The following DLC1 variants were observed in gnomAD, a reference collection of about 807,000 sequenced individuals.
The protein encoded by DLC1 is DLC1 Rho GTPase activating protein.
DLC1 carries 54 observed loss-of-function variants against 140.3 expected under a neutral mutation model. The ratio of observed to expected loss-of-function variants is 0.38; its 90% CI spans 0.31 to 0.48. DLC1 has a LOEUF of 0.48. DLC1 is among the 20% of genes least tolerant of loss of function. The probability of loss-of-function intolerance (pLI) is 0.96; values close to 1 mark genes in which losing one functional copy is unlikely to be tolerated. For missense variants in DLC1, 2,536 were observed against 1,907.0 expected (o/e 1.33, Z -6.14); for synonymous variants, 986 against 728.1 (o/e 1.35, Z -5.70).
chr8:13,596,858 G>T (rs1431857351), intron 1 of DLC1, among the ~76,000 whole-genome samples: 1 of 151,932 alleles, frequency 6.6e-6, no homozygotes, highest in Non-Finnish European at 1.5e-5. Flanking sequence ...TGTAAATTTT[G>T]GTAGAGGTAA....
intron 1 of DLC1, among the ~76,000 whole-genome samples, chr8:13,537,119 G>A (rs1340913583): frequency 3.6e-5 from 5 of 137,486 alleles, no homozygotes; most frequent in Non-Finnish European, 3.4e-5. Context: ...AACCATAACA[G>A]TACATTAAAA....
intron 2 of DLC1, among the ~76,000 whole-genome samples, chr8:13,479,859 G>GA (rs1259593395): frequency 0.047 from 1,480 of 31,486 alleles, 65 homozygotes; most frequent in African/African-American, 0.061. Context: ...AGAAGAAGAA[G>GA]AGAAAAAGAA....
intron 4 of DLC1, among the ~76,000 whole-genome samples, chr8:13,309,088 C>T (rs192201348): frequency 6.6e-6 from 1 of 152,178 alleles, no homozygotes; most frequent in East Asian, 1.9e-4. Flanking sequence ...CAATAAAAGG[C>T]ATATTTTTGA....
chr8:13,329,850 T>A (rs1833514366), intron 4 of DLC1, among the ~76,000 whole-genome samples: 1 of 151,790 alleles, frequency 6.6e-6, no homozygotes, highest in Admixed American at 6.6e-5. Context: ...TAGTAAGTAA[T>A]GGTTATTGAT....
intron 1 of DLC1, among the ~76,000 whole-genome samples, chr8:13,534,329 T>C (rs1430128472): frequency 6.6e-6 from 1 of 152,150 alleles, no homozygotes; most frequent in Non-Finnish European, 1.5e-5. Context: ...AGAACTGTAT[T>C]TTCTGTTAAT....
chr8:13,108,240 G>T (rs957534105), intron 7 of DLC1, among the ~76,000 whole-genome samples: 1 of 152,056 alleles, frequency 6.6e-6, no homozygotes, highest in Non-Finnish European at 1.5e-5. Context: ...GAACTCTGAA[G>T]AATTTCCTTT....
At chr8:13,442,655 A>G (rs142505956) in intron 2 of DLC1, among the ~76,000 whole-genome samples, 3,509 of 152,334 alleles carry the variant, frequency 0.023, 62 homozygotes, top group Middle Eastern at 0.041. Context: ...CCACAATGAG[A>G]TACCATCTCA....
chr8:13,136,897 A>G (rs983329426), intron 5 of DLC1, among the ~76,000 whole-genome samples: 1 of 152,172 alleles, frequency 6.6e-6, no homozygotes, highest in Non-Finnish European at 1.5e-5. Context: ...TCAAAACTTC[A>G]GTTTCATCTT....
At chr8:13,131,755 G>T (rs973014512) in intron 5 of DLC1, among the ~76,000 whole-genome samples, 3 of 152,244 alleles carry the variant, frequency 2.0e-5, no homozygotes, top group Non-Finnish European at 4.4e-5. Flanking sequence ...TCACCCCTTT[G>T]GTGCAGATGA....
chr8:13,410,388 AAAC>A (rs1355244569), intron 2 of DLC1, among the ~76,000 whole-genome samples: 3 of 152,220 alleles, frequency 2.0e-5, no homozygotes, highest in Admixed American at 6.5e-5. Context: ...AATGCAACAG[AAAC>A]AACAACAACA....
intron 2 of DLC1, among the ~76,000 whole-genome samples, chr8:13,434,097 G>A (rs1252607941): frequency 1.3e-5 from 2 of 152,098 alleles, no homozygotes; most frequent in Non-Finnish European, 2.9e-5. Flanking sequence ...GGCTTGTCGC[G>A]AACTTCTGAC....
intron 1 of DLC1, among the ~76,000 whole-genome samples, chr8:13,541,954 C>A (rs1341079762): frequency 6.6e-6 from 1 of 152,178 alleles, no homozygotes; most frequent in East Asian, 1.9e-4. Context: ...TTACAACTCA[C>A]TGGATATAAG....
rs777793126 is a variant in DLC1 at position 13,500,081 on chromosome 8, G to A, written c.-10C>T. 1 of 1,604,576 alleles carries A rather than the reference G, an allele frequency of 6.2e-7. No homozygotes were observed. The highest frequency in any genetic ancestry group is 1.7e-5 in the Admixed American group (1 of 59,744). On this transcript the variant is annotated 5_prime_UTR_variant, in exon 2 of 18. Transcript: ENST00000276297. ...TGATAGCTACAGACATGTCATCGTA[G>A]TTTAACAACAGACAGAGAGATATAT...
intron 6 of DLC1, among the ~76,000 whole-genome samples, chr8:13,113,442 T>C (rs758262785): frequency 2.6e-5 from 4 of 152,176 alleles, no homozygotes; most frequent in Admixed American, 2.6e-4. Flanking sequence ...GGACCCCAAA[T>C]GTAACTTGTG....
chr8:13,132,314 G>A (rs1243711479), intron 5 of DLC1, among the ~76,000 whole-genome samples: 1 of 151,206 alleles, frequency 6.6e-6, no homozygotes, highest in African/African-American at 2.4e-5. Context: ...GGTACCTGCG[G>A]CCACCAAACC....
At chr8:13,410,162 G>C (rs1185076864) in intron 2 of DLC1, among the ~76,000 whole-genome samples, 1 of 152,002 alleles carries the variant, frequency 6.6e-6, no homozygotes, top group Non-Finnish European at 1.5e-5. Flanking sequence ...TTTTGCTAGT[G>C]ATTACAAACA....
intron 4 of DLC1, among the ~76,000 whole-genome samples, chr8:13,331,123 G>T (rs1833568765): frequency 6.6e-6 from 1 of 152,160 alleles, no homozygotes; most frequent in South Asian, 2.1e-4. Context: ...TCTTATTGCA[G>T]CCTTCTAGTA....
rs1168605422 is a variant in DLC1, at chr8:13,089,287, TG to T, written c.4075-584del. 4.9e-4 allele frequency among the ~76,000 whole-genome samples: 15 copies of T among 30,390 alleles called. No individual in the cohort carries two copies. The Admixed American group carries it at 5.1e-3, about 10-fold the overall frequency. 19.9% of individuals were successfully genotyped at this position (30,390 alleles called of 152,430 possible). A position where few individuals can be genotyped will look rare whatever the true frequency, so the allele number is the denominator to read the frequency against. ...GAAAAAAGAAAAAAATGATGACATT[TG>T]TTTTTTTTTTTCTGGGACCTATATC... On this transcript the variant is annotated intron_variant, in intron 15 of 17. Transcript: ENST00000276297.
At chr8:13,558,718 T>C (rs1387734655) in intron 1 of DLC1, 4 of 152,170 alleles carry the variant, frequency 2.6e-5, no homozygotes, top group Non-Finnish European at 4.4e-5. Context: ...CTCAGTTACA[T>C]CGAGGATTAC....
Sources: allele counts gnomAD v4.1 joint callset (sites outside exome capture counted in the v4.1 genomes callset), GRCh38; gene constraint gnomAD v4.1.1; transcripts MANE v1.5; gene names NCBI Gene and HGNC (gene_info 2026-07-23, HGNC 2026-07-21).